DMKN: variants seen among roughly 807,000 people sequenced by gnomAD.
DMKN encodes epidermis-specific secreted protein SK30/SK89.
DMKN carries 58 observed loss-of-function variants against 67.6 expected under a neutral mutation model. The observed-to-expected ratio is 0.86, with a 90% CI of 0.69 to 1.07. DMKN has a LOEUF of 1.07. DMKN is among the 50% of genes least tolerant of loss of function. DMKN has a pLI of 0.00. For synonymous variants in DMKN, 240 were observed against 232.3 expected, an observed-to-expected ratio of 1.03 and a Z score of -0.30; for missense variants, 596 against 601.5, an observed-to-expected ratio of 0.99 and a Z score of 0.10.
rs1376598988 is a variant in DMKN, at chr19:35,513,313, T to C, written c.163A>G (p.Ile55Val). ...DALSEGVGKAIGKEAGGAAGS... is the reference protein window; with the variant it reads ...DALSEGVGKAVGKEAGGAAGS... ...GCTGCCCCTCCGGCCTCTTTGCCAA[T>C]GGCCTTTCCCACCCCTTCGCTCAGG... Residue 55 changes from isoleucine to valine, a missense_variant, in exon 1 of 16, where the codon ATT (isoleucine) becomes GTT (valine). Physicochemically the swap from Ile to Val is conservative, Grantham distance 29. Coordinates refer to ENST00000339686, the MANE Select transcript of DMKN (RefSeq NM_033317.5). The C allele has an allele frequency of 6.2e-7, 1 of 1,614,194 alleles. No individual in the cohort carries two copies. Among genetic ancestry groups the C allele is most frequent in the Non-Finnish European group, 8.5e-7 (1 of 1,180,030 alleles).
chr19:35,511,424 C>T lies in DMKN; in HGVS notation c.905G>A (p.Ser302Asn), dbSNP rs558690385. ...NSGGSRGDSG[S>N]ESSWGSSTGS... ...TGCCAAACTCACCCAGGAGGACTCA[C>T]TGCCGCTGTCACCTCTGCTGCCACC... Residue 302 changes from serine (S) to asparagine (N), a missense_variant, in exon 5 of 16, where the codon AGT becomes AAT. Physicochemically the swap from Ser to Asn is conservative, Grantham distance 46. Coordinates refer to ENST00000339686, the MANE Select transcript of DMKN (RefSeq NM_033317.5). The T allele has an allele frequency of 6.8e-6, 11 of 1,609,370 alleles. No homozygotes were observed. In the African/African-American group the frequency reaches 8.0e-5, roughly 12 times the overall value.
At chr19:35,506,572 A>T (rs1021675662) in intron 7 of DMKN, 8 of 474,352 alleles carry the variant, frequency 1.7e-5, no homozygotes, top group African/African-American at 1.6e-4. Context: ...GGTGACATGG[A>T]AAGCTGTACA....
rs943727348 is a variant in DMKN, at chr19:35,511,947, C to G, written c.685-134G>C. On this transcript the variant is annotated intron_variant, in intron 3 of 15. Coordinates refer to ENST00000339686, the MANE Select transcript of DMKN (RefSeq NM_033317.5). ...TCTCCTAATGTGTTTCTCCCACCTC[C>G]CCTTCCCATCTGCCTCCTCCCCAGG... The G allele has an allele frequency of 5.0e-6, 5 of 991,938 alleles. No homozygotes were observed. In the African/African-American group the frequency reaches 8.4e-5, roughly 17 times the overall value. 61.4% of individuals were successfully genotyped at this position (991,938 alleles called of 1,614,324 possible).
Position 35,513,119 on chromosome 19 carries a change from ATCT to A in DMKN, c.354_356del (p.Glu118del), listed in dbSNP as rs1568653960. 7.4e-6 allele frequency: 12 copies of A among 1,614,110 alleles called. No individual in the cohort carries two copies. The South Asian group carries it at 9.9e-5, about 13-fold the overall frequency. ...CAGCATCTGCTCCGTGTCGAATGAC[ATCT>A]TCTGCCTGTCTGCCAATCTCGTGCC... On this transcript the variant is annotated inframe_deletion, in exon 1 of 16. Transcript: ENST00000339686.
intron 7 of DMKN, chr19:35,508,167 CGG>C: frequency 6.4e-7 from 1 of 1,551,522 alleles, no homozygotes; most frequent in Non-Finnish European, 8.7e-7. Context: ...CACTTACTAC[CGG>C]CACAGTCTCT....
intron 15 of DMKN, chr19:35,497,895 T>G (rs971636487): frequency 6.6e-6 from 1 of 152,432 alleles, no homozygotes; most frequent in Non-Finnish European, 1.5e-5. Flanking sequence ...CCGAGGGTCC[T>G]AGGTCATTTT....
At chr19:35,510,052 C>G in intron 6 of DMKN, 91 bp from the exon 7 acceptor site, 1 of 1,582,136 alleles carries the variant, frequency 6.3e-7, no homozygotes, top group Non-Finnish European at 8.6e-7. Flanking sequence ...CTGGGGCGAG[C>G]CGCTTCCGCT....
At position 35,511,503 on chromosome 19, in the gene DMKN, T is replaced by A; in HGVS notation, c.826A>T (p.Ser276Cys). The change falls in exon 5 of 16, where the codon AGC becomes TGC. Residue 276 changes from serine to cysteine, a missense_variant. Ser to Cys is a moderately radical substitution (Grantham distance 112, BLOSUM62 -1). Transcript: ENST00000339686. The stretch of plus-strand genomic sequence containing the variant: ...CCGCCACTGCTGCCGCCACTGCTGC[T>A]GCCACTGCTGCTGCCACCACTGCTG... Reference protein sequence around the residue: ...GSSSGGSSSGSSSGGSSGGSS... With the variant: ...GSSSGGSSSGCSSGGSSGGSS... 1 of 1,020,530 alleles carries A rather than the reference T, an allele frequency of 9.8e-7. No homozygotes were observed. 63.2% of individuals were successfully genotyped at this position (1,020,530 alleles called of 1,614,324 possible).
rs561545523 is a variant in DMKN, at chr19:35,505,703, A to T, written c.1134+15T>A. 35 of 1,614,198 alleles carry T rather than the reference A, an allele frequency of 2.2e-5. No individual in the cohort carries two copies. In the East Asian group the frequency reaches 6.5e-4, roughly 30 times the overall value. ...TTCCCTATAGCCCTCTCCGACGAAGATGTCCAGCCCTTACCTTGTTTATGG... is the reference window on the plus strand; with the variant it reads ...TTCCCTATAGCCCTCTCCGACGAAGTTGTCCAGCCCTTACCTTGTTTATGG... On this transcript the variant is annotated intron_variant, in intron 9 of 15. Coordinates refer to ENST00000339686, the MANE Select transcript of DMKN (RefSeq NM_033317.5).
intron 5 of DMKN, 34 bp from the exon 6 acceptor site, chr19:35,510,286 TA>T (rs1443054691): frequency 1.5e-5 from 24 of 1,570,862 alleles, no homozygotes; most frequent in Non-Finnish European, 1.9e-5. Flanking sequence ...AACGCTGTCC[TA>T]AAGGACCTAA....
At chr19:35,507,868 G>A in intron 7 of DMKN, 1 of 442,560 alleles carries the variant, frequency 2.3e-6, no homozygotes, top group Middle Eastern at 6.1e-4. Flanking sequence ...AGTGGGCCAG[G>A]CTGTTACACT....
At chr19:35,501,996 AC>A in intron 11 of DMKN, 139 bp downstream of exon 11, 1 of 1,544,578 alleles carries the variant, frequency 6.5e-7, no homozygotes, top group Non-Finnish European at 8.8e-7. Context: ...TCTCCCTCTC[AC>A]CCCGCCCCCA....
intron 9 of DMKN, chr19:35,503,216 C>T (rs1449684901): frequency 2.1e-6 from 3 of 1,441,468 alleles, no homozygotes; most frequent in African/African-American, 1.4e-5. Flanking sequence ...TCCTCCAGCC[C>T]GTTTCCCGAA....
At chr19:35,503,571 G>T in intron 9 of DMKN, 7 of 1,327,136 alleles carry the variant, frequency 5.3e-6, no homozygotes, top group Non-Finnish European at 7.2e-6. Flanking sequence ...CGCTTCCCAG[G>T]TTCAAGCGAT....
chr19:35,503,308 G>A (rs935787897), intron 9 of DMKN: 4 of 1,529,518 alleles, frequency 2.6e-6, no homozygotes, highest in African/African-American at 2.8e-5. Context: ...CAGGAGTGTG[G>A]GGCAGCTAAG....
At chr19:35,500,414 A>G (rs2068156469) in intron 12 of DMKN, 119 bp downstream of exon 12, 3 of 1,552,272 alleles carry the variant, frequency 1.9e-6, no homozygotes, top group Non-Finnish European at 2.6e-6. Flanking sequence ...GCCATCCTGC[A>G]CCCGGCTGAG....
intron 7 of DMKN, chr19:35,507,243 A>G: frequency 2.1e-6 from 1 of 486,922 alleles, no homozygotes; most frequent in Non-Finnish European, 3.7e-6. Context: ...CAAAAGTAAC[A>G]TGGCTCCGAT....
intron 4 of DMKN, 48 bp downstream of exon 4, chr19:35,511,715 T>C: frequency 6.3e-7 from 1 of 1,599,862 alleles, no homozygotes; most frequent in Non-Finnish European, 8.5e-7. Context: ...GCAGAACTTC[T>C]CCATTTCCTC....
intron 7 of DMKN, chr19:35,509,408 G>A (rs1485767803): frequency 6.5e-6 from 1 of 152,952 alleles, no homozygotes; most frequent in Non-Finnish European, 1.5e-5. Context: ...TCCCACCAAC[G>A]CCTCACCCAG....
Sources: allele counts gnomAD v4.1 joint callset, GRCh38; gene constraint gnomAD v4.1.1; transcripts MANE v1.5; gene names NCBI Gene and HGNC (gene_info 2026-07-23, HGNC 2026-07-21).